The following UNC45B variants were observed in gnomAD, a reference collection of about 807,000 sequenced individuals.
UNC45B encodes the protein protein unc-45 homolog B.
In UNC45B, 78 loss-of-function variants were observed where a neutral mutation model predicts 98.7. The observed-to-expected ratio is 0.79, with a 90% CI of 0.66 to 0.95. The LOEUF (loss-of-function observed/expected upper bound fraction) is 0.95. UNC45B is among the 40% of genes least tolerant of loss of function. UNC45B has a pLI of 0.00. For synonymous variants in UNC45B, 462 were observed against 480.4 expected, an observed-to-expected ratio of 0.96 and a Z score of 0.50; for missense variants, 1,225 against 1,184.9, an observed-to-expected ratio of 1.03 and a Z score of -0.50.
chr17:35,185,737 A>T (rs6505449), intron 19 of UNC45B, among the ~76,000 whole-genome samples: 112,716 of 151,926 alleles, frequency 0.74, 42,356 homozygotes, highest in East Asian at 0.87. Context: ...ATGTTAGAGG[A>T]AGGTATAGAA....
rs753260041 is a variant in UNC45B at position 35,168,163 on chromosome 17, A to T, written c.1254A>T (p.Gly418=). ...GPFDLGNQLL[G]LKGVMEMMVA... is the part of the protein sequence containing the mutation. ...TTGACCTGGGCAACCAGCTGCTGGG[A>T]CTGAAAGGTGTGATGGAGATGATGG... Residue 418 remains glycine, a synonymous_variant, in exon 10 of 20, where the codon GGA becomes GGT. Coordinates refer to ENST00000394570, the MANE Select transcript of UNC45B (RefSeq NM_001267052.2). 1 of 1,607,254 alleles carries T rather than the reference A, an allele frequency of 6.2e-7. No individual in the cohort carries two copies. The highest frequency in any genetic ancestry group is 8.5e-7 in the Non-Finnish European group (1 of 1,176,502).
intron 4 of UNC45B, 63 bp from the exon 5 acceptor site, chr17:35,152,830 A>G (rs1186514006): frequency 1.6e-6 from 2 of 1,222,924 alleles, no homozygotes; most frequent in Non-Finnish European, 2.4e-6. Flanking sequence ...GATGAACTGA[A>G]TGTGGAGCTG....
Position 35,188,629 on chromosome 17 carries a change from A to C in UNC45B, c.*2070A>C, listed in dbSNP as rs1467394314. ...GCTGGGACTACAGGCACACACCACC[A>C]CCCCCAGGTAATTAAAAAATTTTTT... is the stretch of plus-strand genomic sequence containing the variant. On this transcript the variant is annotated 3_prime_UTR_variant, in exon 20 of 20. Coordinates refer to ENST00000394570, the MANE Select transcript of UNC45B (RefSeq NM_001267052.2). 6.6e-6 allele frequency: 1 copy of C among 151,836 alleles called. No homozygotes were observed. The highest frequency in any genetic ancestry group is 2.4e-5 in the African/African-American group (1 of 41,396). 9.4% of individuals were successfully genotyped at this position (151,836 alleles called of 1,614,324 possible).
At chr17:35,167,814 T>C (rs911546360) in intron 9 of UNC45B, among the ~76,000 whole-genome samples, 1 of 151,758 alleles carries the variant, frequency 6.6e-6, no homozygotes, top group Non-Finnish European at 1.5e-5. Flanking sequence ...TCAGAGTGTA[T>C]TTCCCAGAGG....
intron 9 of UNC45B, among the ~76,000 whole-genome samples, chr17:35,166,086 TAAAAAAAA>T (rs55844448): frequency 3.4e-5 from 2 of 58,116 alleles, no homozygotes; most frequent in Non-Finnish European, 6.1e-5. Flanking sequence ...CCCTCATCTC[TAAAAAAAA>T]AAAAAAAAAA....
Position 35,171,334 on chromosome 17 carries a change from A to C in UNC45B, c.1702A>C (p.Thr568Pro), listed in dbSNP as rs1597923985. The C allele has an allele frequency of 6.2e-7, 1 of 1,613,914 alleles. No homozygotes were observed. The highest frequency in any genetic ancestry group is 1.7e-4 in the Middle Eastern group (1 of 6,060). Residue 568 changes from threonine (T) to proline (P), a missense_variant, in exon 13 of 20, where the codon ACC becomes CCC. Transcript: ENST00000394570. ...CTGTGCCTTCCAGACCAGTGACAAG[A>C]CCATCCTGTACTCGGTGGCCACCAC... ...MFELAKTSDK[T>P]ILYSVATTLV...
At chr17:35,163,337 C>T (rs1416897443) in intron 8 of UNC45B, among the ~76,000 whole-genome samples, 2 of 152,114 alleles carry the variant, frequency 1.3e-5, no homozygotes, top group Non-Finnish European at 2.9e-5. Context: ...AGGGTTGTAT[C>T]TGTTATTTTG....
Position 35,169,909 on chromosome 17 carries a change from A to G in UNC45B, c.1525A>G (p.Lys509Glu). ...LRQFAEGSTE[K>E]LAKQCRKWLC... ...GCAGTTTGCGGAAGGGTCGACAGAAAAACTGGCCAAACAGTGTCGCAAGTA... is the reference window on the plus strand; with the variant it reads ...GCAGTTTGCGGAAGGGTCGACAGAAGAACTGGCCAAACAGTGTCGCAAGTA... Residue 509 changes from lysine (K) to glutamate (E), a missense_variant, in exon 11 of 20, where the codon AAA becomes GAA. By Grantham distance (56) the Lys-to-Glu change is moderately conservative. Coordinates refer to ENST00000394570, the MANE Select transcript of UNC45B (RefSeq NM_001267052.2). 1 of 1,614,130 alleles carries G rather than the reference A, an allele frequency of 6.2e-7. No homozygotes were observed. Among genetic ancestry groups the G allele is most frequent in the Non-Finnish European group, 8.5e-7 (1 of 1,180,020 alleles).
At chr17:35,180,750 G>A (rs2092268427) in intron 18 of UNC45B, 74 bp downstream of exon 18, 3 of 1,135,258 alleles carry the variant, frequency 2.6e-6, no homozygotes, top group Non-Finnish European at 2.6e-6. Flanking sequence ...AGGGCCTGGG[G>A]TGAGATCGGG....
rs988982768 is a variant in UNC45B, at chr17:35,155,369, C to G, written c.713C>G (p.Ser238Cys). 24 of 1,614,194 alleles carry G rather than the reference C, an allele frequency of 1.5e-5. No individual in the cohort carries two copies. The highest frequency in any genetic ancestry group is 1.9e-5 in the Non-Finnish European group (23 of 1,180,042). ...SLMAVENEEM[S>C]LAVCNLLQAI... ...ATGGCCGTGGAGAATGAGGAGATGT[C>G]TCTGGCTGTCTGCAACCTGCTCCAA... The change falls in exon 7 of 20, where the codon TCT (serine) becomes TGT (cysteine). Residue 238 changes from serine (S) to cysteine (C), a missense_variant. Coordinates refer to ENST00000394570, the MANE Select transcript of UNC45B (RefSeq NM_001267052.2).
At chr17:35,183,314 C>A in intron 18 of UNC45B, 113 bp from the exon 19 acceptor site, 1 of 1,238,456 alleles carries the variant, frequency 8.1e-7, no homozygotes, top group South Asian at 3.0e-5. Context: ...GTGACCTGCT[C>A]AAAGGGAAAC....
Position 35,177,041 on chromosome 17 carries a change from G to A in UNC45B, c.2050G>A (p.Gly684Ser), listed in dbSNP as rs1239341475. ...GKALIPLALE[G>S]TDVGKVKAAH... ...GGCCCTGATTCCCCTGGCTTTGGAG[G>A]GCACAGATGTGGGCAAGGTGAAGGC... Residue 684 changes from glycine (G) to serine (S), a missense_variant, in exon 16 of 20, where the codon GGC becomes AGC. Physicochemically the swap from Gly to Ser is moderately conservative, Grantham distance 56 (BLOSUM62 0). Transcript: ENST00000394570. The A allele has an allele frequency of 1.2e-6, 2 of 1,614,148 alleles. No individual in the cohort carries two copies. Among genetic ancestry groups the A allele is most frequent in the South Asian group, 1.1e-5 (1 of 91,080 alleles).
intron 18 of UNC45B, among the ~76,000 whole-genome samples, chr17:35,182,636 G>A (rs1189680076): frequency 6.6e-6 from 1 of 152,152 alleles, no homozygotes; most frequent in East Asian, 1.9e-4. Flanking sequence ...TGTCCCATGA[G>A]AGGGGGCCAT....
chr17:35,168,070 T>C lies in UNC45B; in HGVS notation c.1161T>C (p.Phe387=). The C allele has an allele frequency of 6.5e-7, 1 of 1,529,812 alleles. No homozygotes were observed. The highest frequency in any genetic ancestry group is 8.8e-7 in the Non-Finnish European group (1 of 1,135,938). The allele number at this position is 1,529,812 out of a possible 1,614,324, so 94.8% of individuals were successfully genotyped here. ...KICEEYITGK[F]DPQDMDKNLN... ...TTGTCCTTTGTTTTAGGGGCAAGTT[T>C]GACCCCCAGGACATGGACAAGAACT... The change falls in exon 10 of 20, where the codon TTT becomes TTC. Residue 387 remains phenylalanine (F), a synonymous_variant. Coordinates refer to ENST00000394570, the MANE Select transcript of UNC45B (RefSeq NM_001267052.2).
chr17:35,164,190 G>A (rs766538157), intron 9 of UNC45B, 24 bp downstream of exon 9: 14 of 1,596,732 alleles, frequency 8.8e-6, no homozygotes, highest in Non-Finnish European at 1.2e-5. Flanking sequence ...AGGCCTCACA[G>A]GGTCAGGCTC....
At chr17:35,164,514 T>G in intron 9 of UNC45B, 1 of 172,024 alleles carries the variant, frequency 5.8e-6, no homozygotes, top group Non-Finnish European at 1.2e-5. Context: ...CTTCACTGCA[T>G]GCCGCTGGCA....
chr17:35,168,237 A>T lies in UNC45B; in HGVS notation c.1328A>T (p.Glu443Val). 1 of 1,589,526 alleles carries T rather than the reference A, an allele frequency of 6.3e-7. No homozygotes were observed. The highest frequency in any genetic ancestry group is 8.6e-7 in the Non-Finnish European group (1 of 1,167,096). ...ERETDQLVAV[E>V]ALIHASTKLS... ...GAGACGGACCAGCTGGTGGCCGTGG[A>T]GGCCCTCATCCATGCCTCCACGAAG... The change falls in exon 10 of 20, where the codon GAG (glutamate) becomes GTG (valine). Residue 443 changes from glutamate (E) to valine (V), a missense_variant. Transcript: ENST00000394570.
chr17:35,149,940 G>A, intron 3 of UNC45B, 108 bp from the exon 4 acceptor site: 6 of 1,200,870 alleles, frequency 5.0e-6, no homozygotes, highest in Non-Finnish European at 6.8e-6. Flanking sequence ...AATCTCCAAG[G>A]AAGACACAGA....
rs1047221873 is a variant in UNC45B, at chr17:35,148,443, G to A, written c.168+12G>A. ...GTGGCCTGAAAACGGTCTGGGGCAG[G>A]GCAGGGCACAGGGTGGGAGTGAGGC... On this transcript the variant is annotated intron_variant, in intron 2 of 19. Coordinates refer to ENST00000394570, the MANE Select transcript of UNC45B (RefSeq NM_001267052.2). 1 of 1,612,774 alleles carries A rather than the reference G, an allele frequency of 6.2e-7. No homozygotes were observed. Among genetic ancestry groups the A allele is most frequent in the Non-Finnish European group, 8.5e-7 (1 of 1,179,584 alleles).
Sources: allele counts gnomAD v4.1 joint callset (sites outside exome capture counted in the v4.1 genomes callset), GRCh38; gene constraint gnomAD v4.1.1; transcripts MANE v1.5; gene names NCBI Gene and HGNC (gene_info 2026-07-23, HGNC 2026-07-21).